ZNRF1: variants seen among roughly 807,000 people sequenced by gnomAD.
ZNRF1 encodes zinc and ring finger 1, also known as E3 ubiquitin-protein ligase ZNRF1.
In ZNRF1, 3 loss-of-function variants were observed where a neutral mutation model predicts 18.4. The ratio of observed to expected loss-of-function variants is 0.16; its 90% CI spans 0.07 to 0.42. ZNRF1 has a LOEUF of 0.42. Ranked by LOEUF, ZNRF1 falls within the 10% of genes least tolerant of loss-of-function variation. The pLI, the probability that ZNRF1 is intolerant of heterozygous loss-of-function variation, is 0.99. For missense variants in ZNRF1, 310 were observed against 329.8 expected (o/e 0.94, Z 0.47); for synonymous variants, 157 against 144.2 (o/e 1.09, Z -0.64).
intron 1 of ZNRF1, among the ~76,000 whole-genome samples, chr16:75,092,521 G>T (rs1015801667): frequency 1.3e-5 from 2 of 152,192 alleles, no homozygotes; most frequent in Admixed American, 6.5e-5. Context: ...ATATGGAAAA[G>T]AATTGATCCA....
At chr16:75,068,669 G>A (rs1182454018) in intron 1 of ZNRF1, among the ~76,000 whole-genome samples, 1 of 152,062 alleles carries the variant, frequency 6.6e-6, no homozygotes, top group Non-Finnish European at 1.5e-5. Flanking sequence ...AGCTGCTGCA[G>A]TGGATGAGCA....
intron 2 of ZNRF1, among the ~76,000 whole-genome samples, chr16:75,101,305 C>T (rs2036252539): frequency 1.3e-5 from 2 of 152,198 alleles, no homozygotes; most frequent in African/African-American, 4.8e-5. Flanking sequence ...CCTGTAATCT[C>T]AGCACTTTGG....
At chr16:75,080,719 A>G (rs1234330748) in intron 1 of ZNRF1, among the ~76,000 whole-genome samples, 2 of 151,924 alleles carry the variant, frequency 1.3e-5, no homozygotes, top group African/African-American at 4.8e-5. Context: ...ATCAATAAAG[A>G]CTCCAGCTGG....
intron 1 of ZNRF1, among the ~76,000 whole-genome samples, chr16:75,081,029 C>G (rs955653987): frequency 1.3e-5 from 2 of 151,976 alleles, no homozygotes; most frequent in African/African-American, 4.8e-5. Context: ...AAAAATTAGC[C>G]GGGCGTGGTG....
chr16:75,045,817 G>C (rs1214397108), intron 1 of ZNRF1, among the ~76,000 whole-genome samples: 1 of 151,054 alleles, frequency 6.6e-6, no homozygotes, highest in Non-Finnish European at 1.5e-5. Flanking sequence ...CTGGGCTCAA[G>C]TGATCCTCCC....
At chr16:75,082,895 A>G (rs907522808) in intron 1 of ZNRF1, among the ~76,000 whole-genome samples, 1 of 152,208 alleles carries the variant, frequency 6.6e-6, no homozygotes, top group Non-Finnish European at 1.5e-5. Context: ...TTCAGTCTGT[A>G]TGATTTTTCA....
intron 2 of ZNRF1, among the ~76,000 whole-genome samples, chr16:75,096,117 C>T (rs2036197684): frequency 7.1e-6 from 1 of 140,002 alleles, no homozygotes. Context: ...AGAGGCTTTA[C>T]ACCTAAGGCT....
chr16:75,062,806 G>A (rs971980890), intron 1 of ZNRF1, among the ~76,000 whole-genome samples: 34 of 152,372 alleles, frequency 2.2e-4, no homozygotes, highest in Admixed American at 2.0e-4. Context: ...TACAGGCTGT[G>A]TGTGAATAGC....
At chr16:75,028,329 C>A (rs532853201) in intron 1 of ZNRF1, among the ~76,000 whole-genome samples, 5 of 152,316 alleles carry the variant, frequency 3.3e-5, no homozygotes, top group African/African-American at 1.2e-4. Flanking sequence ...GAGTTTCACT[C>A]GACGCCCAGG....
At chr16:75,011,928 G>A (rs1174129626) in intron 1 of ZNRF1, among the ~76,000 whole-genome samples, 3 of 152,118 alleles carry the variant, frequency 2.0e-5, no homozygotes, top group Non-Finnish European at 2.9e-5. Flanking sequence ...GTTTTGCTGT[G>A]GCTTTGGAAA....
chr16:75,018,223 A>G (rs890065207), intron 1 of ZNRF1, among the ~76,000 whole-genome samples: 12 of 152,196 alleles, frequency 7.9e-5, no homozygotes, highest in African/African-American at 2.9e-4. Context: ...TTTTGTTAGG[A>G]TACCCTATAG....
chr16:75,096,852 A>G (rs1051115911), intron 2 of ZNRF1, among the ~76,000 whole-genome samples: 1 of 152,148 alleles, frequency 6.6e-6, no homozygotes, highest in Non-Finnish European at 1.5e-5. Context: ...GCTAGCTTAG[A>G]AAAAACACAA....
chr16:75,041,884 T>A (rs925025679), intron 1 of ZNRF1, among the ~76,000 whole-genome samples: 4 of 151,940 alleles, frequency 2.6e-5, no homozygotes, highest in African/African-American at 9.7e-5. Context: ...TAATCCCAGC[T>A]ACTCGGGAGC....
intron 4 of ZNRF1, 157 bp from the exon 5 acceptor site, chr16:75,107,576 C>T (rs953347315): frequency 7.7e-6 from 3 of 389,326 alleles, no homozygotes; most frequent in African/African-American, 6.2e-5. Context: ...AGAACCTGCC[C>T]AGGCACATGG....
intron 2 of ZNRF1, among the ~76,000 whole-genome samples, chr16:75,099,621 C>A (rs564716986): frequency 6.6e-6 from 1 of 152,300 alleles, no homozygotes; most frequent in East Asian, 1.9e-4. Flanking sequence ...AAGGGCAGAA[C>A]CCAGATGGCA....
intron 1 of ZNRF1, among the ~76,000 whole-genome samples, chr16:75,053,589 CAAAAAAAAAA>C (rs56775288): frequency 4.2e-5 from 3 of 71,624 alleles, no homozygotes; most frequent in African/African-American, 9.2e-5. Context: ...GACTCCATCT[CAAAAAAAAAA>C]AAAAAAAAAA....
chr16:75,074,640 A>C (rs1398492906), intron 1 of ZNRF1, among the ~76,000 whole-genome samples: 1 of 152,188 alleles, frequency 6.6e-6, no homozygotes, highest in East Asian at 1.9e-4. Context: ...TTGTTGCAGC[A>C]AACCAAGACA....
intron 1 of ZNRF1, among the ~76,000 whole-genome samples, chr16:75,047,653 C>A (rs4243109): frequency 0.058 from 8,771 of 151,944 alleles, 342 homozygotes; most frequent in East Asian, 0.16. Flanking sequence ...TTAGTTATTA[C>A]CATTTGTAGA....
chr16:75,027,565 C>T (rs2035242445), intron 1 of ZNRF1, among the ~76,000 whole-genome samples: 2 of 152,138 alleles, frequency 1.3e-5, no homozygotes, highest in Non-Finnish European at 2.9e-5. Flanking sequence ...ATTTTCTTCT[C>T]CCTTTCCCTC....
Sources: gnomAD v4.1 joint callset for allele counts (sites outside exome capture counted in the v4.1 genomes callset) on GRCh38, gnomAD v4.1.1 for gene constraint, MANE v1.5 for transcripts, NCBI Gene and HGNC (gene_info 2026-07-23, HGNC 2026-07-21) for gene names.